The following MICAL3 variants were observed in gnomAD, a reference collection of about 807,000 sequenced individuals.
MICAL3 encodes the protein [F-actin]-monooxygenase MICAL3.
A neutral mutation model predicts 207.4 loss-of-function variants in MICAL3; 62 were observed. The observed-to-expected ratio is 0.30, with a 90% CI of 0.24 to 0.37. The LOEUF is 0.37. MICAL3 is among the 10% of genes least tolerant of loss of function. MICAL3 has a pLI of 1.00. For synonymous variants in MICAL3, 1,077 were observed against 1,069.3 expected, an observed-to-expected ratio of 1.01 and a Z score of -0.14; for missense variants, 2,368 against 2,635.6, an observed-to-expected ratio of 0.90 and a Z score of 2.22.
At chr22:17,883,831 C>A (rs1472309002) in intron 16 of MICAL3, among the ~76,000 whole-genome samples, 1 of 152,204 alleles carries the variant, frequency 6.6e-6, no homozygotes, top group Non-Finnish European at 1.5e-5. Flanking sequence ...TAGTTCCAGA[C>A]TATTTTCCTG....
At chr22:17,797,031 A>ACC (rs2061883775) in intron 29 of MICAL3, among the ~76,000 whole-genome samples, 1 of 151,852 alleles carries the variant, frequency 6.6e-6, no homozygotes, top group Non-Finnish European at 1.5e-5. Flanking sequence ...TCAAGAAGAC[A>ACC]CCCGGGCAGC....
rs1457766150 is a variant in MICAL3, at chr22:17,904,778, C to T, written c.326G>A (p.Gly109Glu). 1 of 1,613,846 alleles carries T rather than the reference C, an allele frequency of 6.2e-7. No homozygotes were observed. The highest frequency in any genetic ancestry group is 8.5e-7 in the Non-Finnish European group (1 of 1,179,868). ...TTTCTCAATAACAACCACCTTGGCC[C>T]CCAGTAAGGATAAGTCGATGGCTGT... ...LRTAIDLSLL[G>E]AKVVVIEKRD... The change falls in exon 3 of 32, where the codon GGG (glycine) becomes GAG (glutamate). Residue 109 changes from glycine to glutamate, a missense_variant. Physicochemically the swap from Gly to Glu is moderately conservative, Grantham distance 98. Coordinates refer to ENST00000441493, the MANE Select transcript of MICAL3 (RefSeq NM_015241.3).
At chr22:17,929,115 TAAAG>T (rs776911019) in intron 1 of MICAL3, among the ~76,000 whole-genome samples, 40 of 150,926 alleles carry the variant, frequency 2.7e-4, no homozygotes, top group Non-Finnish European at 5.0e-4. Flanking sequence ...TTTCCTTTTT[TAAAG>T]AAAGAGTCTC....
intron 13 of MICAL3, 72 bp downstream of exon 13, chr22:17,888,962 G>A (rs1018714651): frequency 1.7e-5 from 18 of 1,077,534 alleles, no homozygotes; most frequent in Non-Finnish European, 2.1e-5. Context: ...CGGGACAGTC[G>A]GAAGGAAGGA....
intron 1 of MICAL3, among the ~76,000 whole-genome samples, chr22:17,986,810 CA>C (rs1224846132): frequency 1.3e-5 from 2 of 152,102 alleles, no homozygotes; most frequent in African/African-American, 4.8e-5. Flanking sequence ...TTTAAGTAGC[CA>C]AAAGAAAATG....
intron 19 of MICAL3, chr22:17,861,776 A>G (rs1926538721): frequency 1.0e-6 from 1 of 985,132 alleles, no homozygotes; most frequent in African/African-American, 1.7e-5. Context: ...TTTCTATATT[A>G]AAAGCACATT....
At chr22:17,974,480 A>G (rs454921) in intron 1 of MICAL3, among the ~76,000 whole-genome samples, 90,193 of 152,064 alleles carry the variant, frequency 0.59, 27,324 homozygotes, top group Middle Eastern at 0.73. Context: ...GGGAGGCCAA[A>G]GGAGGAGAAT....
intron 29 of MICAL3, among the ~76,000 whole-genome samples, chr22:17,807,209 G>A (rs1396453012): frequency 6.6e-6 from 1 of 152,272 alleles, no homozygotes; most frequent in African/African-American, 2.4e-5. Context: ...GATATCTTCT[G>A]CAAGAAGAGA....
intron 1 of MICAL3, among the ~76,000 whole-genome samples, chr22:18,013,823 C>A (rs1923891904): frequency 6.6e-6 from 1 of 151,996 alleles, no homozygotes; most frequent in African/African-American, 2.4e-5. Flanking sequence ...AAAAGAGAAA[C>A]AAGGTCTTGC....
chr22:17,941,262 G>C (rs1309475182), intron 1 of MICAL3, among the ~76,000 whole-genome samples: 1 of 152,212 alleles, frequency 6.6e-6, no homozygotes, highest in African/African-American at 2.4e-5. Flanking sequence ...TCCATCATTA[G>C]AGAAGTGAAC....
intron 19 of MICAL3, chr22:17,863,857 C>T: frequency 1.0e-6 from 1 of 985,506 alleles, no homozygotes; most frequent in Non-Finnish European, 1.2e-6. Flanking sequence ...CCAACTCCTC[C>T]TCCACATTTC....
chr22:17,895,848 C>G lies in MICAL3; in HGVS notation c.1322+398G>C, dbSNP rs1930781816. Among the ~76,000 whole-genome samples the G allele has an allele frequency of 2.6e-5, 4 of 152,282 alleles. No individual in the cohort carries two copies. In the South Asian group the frequency reaches 8.3e-4, roughly 32 times the overall value. The stretch of plus-strand genomic sequence containing the variant: ...TCTGGGAAATCTTGTCTCTCTAATT[C>G]TTCTGGTTAAGGCATTAGTTCTTTA... On this transcript the variant is annotated intron_variant, in intron 9 of 31. Coordinates refer to ENST00000441493, the MANE Select transcript of MICAL3 (RefSeq NM_015241.3).
intron 19 of MICAL3, chr22:17,861,167 G>A (rs1257142293): frequency 8.1e-6 from 8 of 985,210 alleles, no homozygotes; most frequent in Non-Finnish European, 9.6e-6. Flanking sequence ...ACTTCCCTCT[G>A]TCAGGTGGGA....
At chr22:18,001,667 C>G (rs1024935684) in intron 1 of MICAL3, among the ~76,000 whole-genome samples, 2 of 152,220 alleles carry the variant, frequency 1.3e-5, no homozygotes, top group Non-Finnish European at 2.9e-5. Flanking sequence ...CTCAGTCTTG[C>G]CAGAATCTCA....
chr22:17,826,920 T>A (rs974912009), intron 22 of MICAL3, among the ~76,000 whole-genome samples: 1 of 152,202 alleles, frequency 6.6e-6, no homozygotes, highest in Non-Finnish European at 1.5e-5. Context: ...CCCTTTTGTA[T>A]GCTCAGAGCC....
At chr22:17,924,495 CA>C (rs2146303825) in intron 1 of MICAL3, among the ~76,000 whole-genome samples, 1 of 152,210 alleles carries the variant, frequency 6.6e-6, no homozygotes, top group South Asian at 2.1e-4. Flanking sequence ...GGAAATATTC[CA>C]AAATCTCAAT....
intron 1 of MICAL3, among the ~76,000 whole-genome samples, chr22:17,950,814 C>T (rs772751897): frequency 3.3e-5 from 5 of 152,186 alleles, no homozygotes; most frequent in Non-Finnish European, 5.9e-5. Flanking sequence ...AGATGTCTTG[C>T]GGAGGGCAGA....
chr22:17,871,733 C>T (rs886198900), intron 17 of MICAL3, 104 bp downstream of exon 17: 9 of 1,024,186 alleles, frequency 8.8e-6, no homozygotes, highest in South Asian at 3.4e-5. Context: ...ATGGAAAAGA[C>T]GCACATGGAA....
intron 1 of MICAL3, among the ~76,000 whole-genome samples, chr22:17,982,332 C>A (rs1312923982): frequency 6.6e-6 from 1 of 152,194 alleles, no homozygotes; most frequent in Non-Finnish European, 1.5e-5. Context: ...GTTATCTTTT[C>A]AAAAACGGGG....
Sources: gnomAD v4.1 joint callset for allele counts (sites outside exome capture counted in the v4.1 genomes callset) on GRCh38, gnomAD v4.1.1 for gene constraint, MANE v1.5 for transcripts, NCBI Gene and HGNC (gene_info 2026-07-23, HGNC 2026-07-21) for gene names.